PPM1D: variants seen among roughly 807,000 people sequenced by gnomAD.
PPM1D encodes protein phosphatase 1D.
Under a neutral mutation model 58.3 loss-of-function variants are expected in PPM1D, and 52 were observed. The observed-to-expected ratio is 0.89, with a 90% confidence interval of 0.71 to 1.12. The LOEUF is 1.12. Ranked by LOEUF, PPM1D falls within the 50% of genes most tolerant of loss-of-function variation. The pLI is 0.00. For synonymous variants in PPM1D, 278 were observed against 285.1 expected (o/e 0.98, Z 0.25); for missense variants, 564 against 777.2 (o/e 0.73, Z 3.26).
rs1221015908 is a variant in PPM1D at position 60,618,711 on chromosome 17, G to A, written c.473-4810G>A. On this transcript the variant is annotated intron_variant, in intron 1 of 5. Transcript: ENST00000305921. Reference sequence around the variant, plus strand: ...TGCTTTTCCTTTGGCGCGTAGGTGTGTGTATTCTGTTCTCTGTGTTGTTTT... The same window carrying A: ...TGCTTTTCCTTTGGCGCGTAGGTGTATGTATTCTGTTCTCTGTGTTGTTTT... Among the ~76,000 whole-genome samples the A allele has an allele frequency of 2.6e-5, 4 of 152,112 alleles. No individual in the cohort carries two copies. In the South Asian group the frequency reaches 6.2e-4, roughly 24 times the overall value.
chr17:60,650,968 T>C (rs2031332330), intron 4 of PPM1D, among the ~76,000 whole-genome samples: 1 of 152,066 alleles, frequency 6.6e-6, no homozygotes, highest in South Asian at 2.1e-4. Flanking sequence ...TCTTTAAAAA[T>C]AAAAACTTGG....
intron 1 of PPM1D, among the ~76,000 whole-genome samples, chr17:60,608,898 C>T (rs747455512): frequency 3.3e-5 from 5 of 151,712 alleles, no homozygotes; most frequent in Non-Finnish European, 7.4e-5. Context: ...CAGGCGCCCG[C>T]CACCACGCCC....
Position 60,665,612 on chromosome 17 carries a change from G to A in PPM1D, c.*2060G>A, listed in dbSNP as rs2031604250. 1 of 152,212 alleles carries A rather than the reference G, an allele frequency of 6.6e-6. No individual in the cohort carries two copies. Among genetic ancestry groups the A allele is most frequent in the African/African-American group, 2.4e-5 (1 of 41,430 alleles). 9.4% of individuals were successfully genotyped at this position (152,212 alleles called of 1,614,324 possible). On this transcript the variant is annotated 3_prime_UTR_variant, in exon 6 of 6. Transcript: ENST00000305921. The stretch of plus-strand genomic sequence containing the variant: ...TCTTATGCCACAAGGATTAAAATAT[G>A]TATTCATTGCTACAAAACAATATCT...
intron 2 of PPM1D, among the ~76,000 whole-genome samples, chr17:60,628,142 C>A (rs1247271281): frequency 6.6e-6 from 1 of 152,140 alleles, no homozygotes; most frequent in Non-Finnish European, 1.5e-5. Context: ...GCCACTGCTC[C>A]CGGCCCTGAA....
intron 5 of PPM1D, among the ~76,000 whole-genome samples, chr17:60,657,687 C>A (rs1028714276): frequency 2.6e-5 from 4 of 152,162 alleles, no homozygotes; most frequent in African/African-American, 9.7e-5. Flanking sequence ...ACTTTACATA[C>A]ATATGGCAAA....
intron 3 of PPM1D, among the ~76,000 whole-genome samples, chr17:60,643,506 T>C (rs368877333): frequency 1.3e-5 from 2 of 152,028 alleles, no homozygotes; most frequent in East Asian, 1.9e-4. Flanking sequence ...ATAACCGTTA[T>C]AATAATTGAT....
chr17:60,638,013 A>C (rs926804060), intron 3 of PPM1D, among the ~76,000 whole-genome samples: 8 of 152,220 alleles, frequency 5.3e-5, no homozygotes, highest in African/African-American at 1.9e-4. Context: ...TTGAAAAAGA[A>C]GGTAGCTTTT....
intron 1 of PPM1D, among the ~76,000 whole-genome samples, chr17:60,619,579 A>G (rs533478504): frequency 5.1e-4 from 77 of 151,940 alleles, no homozygotes; most frequent in Non-Finnish European, 1.0e-3. Flanking sequence ...TAGCCATCCT[A>G]ATAGGTGTGA....
intron 1 of PPM1D, among the ~76,000 whole-genome samples, chr17:60,619,441 G>C (rs146858507): frequency 1.3e-5 from 2 of 151,956 alleles, no homozygotes; most frequent in Non-Finnish European, 2.9e-5. Flanking sequence ...TCTATTTTTA[G>C]ATATATTTTT....
chr17:60,629,808 C>T (rs547997324), intron 2 of PPM1D, among the ~76,000 whole-genome samples: 26 of 152,220 alleles, frequency 1.7e-4, no homozygotes, highest in African/African-American at 5.5e-4. Context: ...GAGCCTGAGG[C>T]GGGCGGATCA....
At chr17:60,659,725 C>T (rs889185934) in intron 5 of PPM1D, among the ~76,000 whole-genome samples, 6 of 152,194 alleles carry the variant, frequency 3.9e-5, no homozygotes, top group African/African-American at 1.4e-4. Context: ...TATCACATAA[C>T]TGTTTTACGA....
chr17:60,658,477 C>CA (rs1320569632), intron 5 of PPM1D, among the ~76,000 whole-genome samples: 7 of 150,880 alleles, frequency 4.6e-5, no homozygotes, highest in African/African-American at 1.7e-4. Context: ...GGAGATACCC[C>CA]ATCTCTACTA....
intron 3 of PPM1D, among the ~76,000 whole-genome samples, 160 bp from the exon 4 acceptor site, chr17:60,647,731 TA>T (rs2031274117): frequency 6.6e-6 from 1 of 152,248 alleles, no homozygotes; most frequent in Non-Finnish European, 1.5e-5. Flanking sequence ...CTTTTATTCT[TA>T]GTTTGCTAGG....
chr17:60,658,539 T>C (rs908650694), intron 5 of PPM1D, among the ~76,000 whole-genome samples: 3 of 151,826 alleles, frequency 2.0e-5, no homozygotes, highest in Non-Finnish European at 4.4e-5. Context: ...TCCCAGGTAC[T>C]TGGGAGGCTG....
chr17:60,632,785 T>C (rs2030948401), intron 2 of PPM1D, among the ~76,000 whole-genome samples: 1 of 152,050 alleles, frequency 6.6e-6, no homozygotes, highest in Non-Finnish European at 1.5e-5. Flanking sequence ...CTGGCCAACA[T>C]GGTGAAACCC....
At chr17:60,638,798 C>G (rs1227108240) in intron 3 of PPM1D, among the ~76,000 whole-genome samples, 12 of 152,098 alleles carry the variant, frequency 7.9e-5, no homozygotes, top group Admixed American at 7.9e-4. Context: ...TGGTTTACGG[C>G]CATTTTTCTT....
intron 4 of PPM1D, among the ~76,000 whole-genome samples, chr17:60,651,369 G>A (rs2031338853): frequency 6.6e-6 from 1 of 151,156 alleles, no homozygotes; most frequent in African/African-American, 2.4e-5. Context: ...TTTTACAAAT[G>A]GTATATCACA....
chr17:60,628,348 T>A (rs1158655314), intron 2 of PPM1D, among the ~76,000 whole-genome samples: 1 of 152,194 alleles, frequency 6.6e-6, no homozygotes. Context: ...GAACCTACAC[T>A]GACATACTGT....
At chr17:60,601,121 C>T (rs2030200815) in intron 1 of PPM1D, among the ~76,000 whole-genome samples, 2 of 152,318 alleles carry the variant, frequency 1.3e-5, no homozygotes, top group Admixed American at 1.3e-4. Flanking sequence ...TTTCCATCCT[C>T]CAAGGATCAA....
Sources: gnomAD v4.1 joint callset for allele counts (sites outside exome capture counted in the v4.1 genomes callset) on GRCh38, gnomAD v4.1.1 for gene constraint, MANE v1.5 for transcripts, NCBI Gene and HGNC (gene_info 2026-07-23, HGNC 2026-07-21) for gene names.